ANKRD36: variants seen among roughly 807,000 people sequenced by gnomAD.
ANKRD36 encodes the protein ankyrin repeat domain 36.
In ANKRD36, 179 loss-of-function variants were observed where a neutral mutation model predicts 278.1. The observed-to-expected ratio is 0.64, with a 90% CI of 0.57 to 0.73. ANKRD36 has a LOEUF of 0.73. ANKRD36 is among the 30% of genes least tolerant of loss of function. ANKRD36 has a pLI of 0.00. For missense variants in ANKRD36, 1,159 were observed against 1,956.7 expected, an observed-to-expected ratio of 0.59 and a Z score of 7.69; for synonymous variants, 320 against 641.1, an observed-to-expected ratio of 0.50 and a Z score of 7.57.
intron 46 of ANKRD36, among the ~76,000 whole-genome samples, chr2:97,201,446 A>C (rs1311753748): frequency 6.6e-6 from 1 of 151,960 alleles, no homozygotes; most frequent in African/African-American, 2.4e-5. Flanking sequence ...ACAACTTATT[A>C]ATATCTAATG....
chr2:97,192,681 A>G (rs1330130095), intron 36 of ANKRD36, among the ~76,000 whole-genome samples, 177 bp from the exon 37 acceptor site: 1 of 151,738 alleles, frequency 6.6e-6, no homozygotes, highest in African/African-American at 2.4e-5. Context: ...TGGAGCCTGT[A>G]TTCCCTTTTT....
At position 97,198,649 on chromosome 2, in the gene ANKRD36, A is replaced by T. The variant is rs1306931754; in HGVS notation, c.2746A>T (p.Thr916Ser). ...IARGKKDGEKTKRVSSRKKPS... is the reference protein window; with the variant it reads ...IARGKKDGEKSKRVSSRKKPS... Reference sequence around the variant, plus strand: ...CAGAGGAAAAAAGGATGGAGAAAAAACTAAGAGAGGTAATTTTGAAAAGAG... The same window carrying T: ...CAGAGGAAAAAAGGATGGAGAAAAATCTAAGAGAGGTAATTTTGAAAAGAG... Residue 916 changes from threonine (T) to serine (S), a missense_variant, in exon 44 of 76, where the codon ACT becomes TCT. Transcript: ENST00000420699. 3.2e-6 allele frequency: 5 copies of T among 1,542,562 alleles called. No homozygotes were observed. In the Admixed American group the frequency reaches 7.9e-5, roughly 24 times the overall value.
intron 46 of ANKRD36, 25 bp from the exon 47 acceptor site, chr2:97,202,177 A>G: frequency 1.2e-6 from 2 of 1,608,664 alleles, no homozygotes; most frequent in Non-Finnish European, 1.7e-6. Context: ...CGTATGACTG[A>G]TTATGAATCC....
At chr2:97,224,448 TTTTG>T (rs1268425577) in intron 66 of ANKRD36, among the ~76,000 whole-genome samples, 981 of 143,814 alleles carry the variant, frequency 6.8e-3, no homozygotes, top group African/African-American at 0.023. Flanking sequence ...TTTTTTGTTT[TTTTG>T]TTTTTTTTTT....
intron 60 of ANKRD36, among the ~76,000 whole-genome samples, 170 bp downstream of exon 60, chr2:97,213,784 G>A (rs1227218012): frequency 6.6e-6 from 1 of 151,618 alleles, no homozygotes; most frequent in African/African-American, 2.4e-5. Flanking sequence ...GCTGGTCTTG[G>A]ACATGATCTT....
intron 67 of ANKRD36, among the ~76,000 whole-genome samples, chr2:97,231,727 C>T (rs1388837674): frequency 9.9e-5 from 15 of 152,230 alleles, no homozygotes; most frequent in East Asian, 3.9e-4. Flanking sequence ...TCTTCTGCGT[C>T]GCTCACGCTG....
At chr2:97,207,582 T>C (rs1434736785) in intron 52 of ANKRD36, among the ~76,000 whole-genome samples, 1 of 151,504 alleles carries the variant, frequency 6.6e-6, no homozygotes, top group African/African-American at 2.4e-5. Flanking sequence ...TTTTCACATA[T>C]GACAAATCAT....
intron 6 of ANKRD36, among the ~76,000 whole-genome samples, chr2:97,136,222 GCTAC>G (rs1206297496): frequency 6.8e-6 from 1 of 147,844 alleles, no homozygotes; most frequent in Admixed American, 6.8e-5. Context: ...GCTGTATTCA[GCTAC>G]CTGGATGCTC....
At chr2:97,197,646 A>T (rs2060149554) in intron 42 of ANKRD36, among the ~76,000 whole-genome samples, 1 of 151,932 alleles carries the variant, frequency 6.6e-6, no homozygotes, top group South Asian at 2.1e-4. Flanking sequence ...CTGCATTGTA[A>T]TTAACTCCTA....
chr2:97,180,130 G>A (rs1381395395), intron 24 of ANKRD36, among the ~76,000 whole-genome samples, 197 bp downstream of exon 24: 1 of 151,512 alleles, frequency 6.6e-6, no homozygotes, highest in African/African-American at 2.4e-5. Context: ...TAAGATTGTA[G>A]ACTTCCCTAC....
chr2:97,221,690 A>T (rs2067735162), intron 66 of ANKRD36, among the ~76,000 whole-genome samples: 1 of 150,836 alleles, frequency 6.6e-6, no homozygotes, highest in South Asian at 2.1e-4. Context: ...CCTTTGTCAG[A>T]TGAGTAGGTT....
intron 22 of ANKRD36, among the ~76,000 whole-genome samples, chr2:97,169,375 A>G (rs1448146993): frequency 6.6e-6 from 1 of 152,294 alleles, no homozygotes; most frequent in Non-Finnish European, 1.5e-5. Flanking sequence ...GAGATTGCGA[A>G]CATTTTCTCC....
intron 22 of ANKRD36, among the ~76,000 whole-genome samples, chr2:97,172,045 A>T (rs1189060147): frequency 2.7e-5 from 4 of 147,648 alleles, no homozygotes; most frequent in Non-Finnish European, 6.0e-5. Context: ...CAGCCTTTTA[A>T]GACGGTGATT....
At chr2:97,144,410 A>G (rs2153453587) in intron 8 of ANKRD36, 108 bp from the exon 9 acceptor site, 3 of 1,463,782 alleles carry the variant, frequency 2.0e-6, no homozygotes, top group Non-Finnish European at 2.8e-6. Flanking sequence ...ATCAAAGCCT[A>G]TGCTAATTCA....
At chr2:97,158,928 C>T (rs1270581665) in intron 17 of ANKRD36, among the ~76,000 whole-genome samples, 1 of 151,954 alleles carries the variant, frequency 6.6e-6, no homozygotes, top group Non-Finnish European at 1.5e-5. Context: ...CCTAAAAGGT[C>T]ATGGGAGTAA....
At chr2:97,187,165 T>C in intron 30 of ANKRD36, 33 bp from the exon 31 acceptor site, 2 of 1,608,636 alleles carry the variant, frequency 1.2e-6, no homozygotes, top group Non-Finnish European at 1.7e-6. Context: ...CATATTTACA[T>C]ATGAGTGATT....
intron 3 of ANKRD36, among the ~76,000 whole-genome samples, chr2:97,119,012 A>G (rs939192288): frequency 1.5e-5 from 1 of 67,626 alleles, no homozygotes; most frequent in African/African-American, 3.4e-5. Flanking sequence ...TTAAGAGGGA[A>G]AAATGAAGAA....
intron 67 of ANKRD36, among the ~76,000 whole-genome samples, chr2:97,231,494 A>G (rs1228695553): frequency 6.6e-6 from 1 of 152,148 alleles, no homozygotes; most frequent in African/African-American, 2.4e-5. Context: ...GGAAAAGTGC[A>G]GTAGTAGGGT....
At chr2:97,152,647 A>AG in intron 14 of ANKRD36, 113 bp downstream of exon 14, 1 of 903,056 alleles carries the variant, frequency 1.1e-6, no homozygotes, top group Non-Finnish European at 1.5e-6. Flanking sequence ...TACATGCTTA[A>AG]CATTTATCAT....
Sources: allele counts gnomAD v4.1 joint callset (sites outside exome capture counted in the v4.1 genomes callset), GRCh38; gene constraint gnomAD v4.1.1; transcripts MANE v1.5; gene names NCBI Gene and HGNC (gene_info 2026-07-23, HGNC 2026-07-21).